Variants in NCOA2 observed in about 807,000 individuals in gnomAD.
NCOA2 encodes nuclear receptor coactivator 2.
Under a neutral mutation model 145.1 loss-of-function variants are expected in NCOA2, and 21 were observed. The ratio of observed to expected loss-of-function variants is 0.14; its 90% confidence interval spans 0.10 to 0.21. The LOEUF is 0.21. Ranked by LOEUF, NCOA2 falls within the 10% of genes least tolerant of loss-of-function variation. The pLI is 1.00. For missense variants in NCOA2, 1,472 were observed against 1,837.6 expected, an observed-to-expected ratio of 0.80 and a Z score of 3.64; for synonymous variants, 619 against 637.5, an observed-to-expected ratio of 0.97 and a Z score of 0.44.
intron 2 of NCOA2, among the ~76,000 whole-genome samples, chr8:70,283,780 C>A (rs1294217370): frequency 6.6e-6 from 1 of 152,116 alleles, no homozygotes; most frequent in Non-Finnish European, 1.5e-5. Context: ...TTGCATTGCA[C>A]TCGCTAGTTG....
At chr8:70,423,036 C>T in the NCOA2 span, among the ~76,000 whole-genome samples, 1 of 152,168 alleles carries the variant, frequency 6.6e-6, no homozygotes, top group Non-Finnish European at 1.5e-5. Context: ...AGTCATATGG[C>T]TGTACTGTAA....
chr8:70,160,874 A>G (rs1563547560), intron 9 of NCOA2, among the ~76,000 whole-genome samples: 1 of 152,252 alleles, frequency 6.6e-6, no homozygotes, highest in Non-Finnish European at 1.5e-5. Flanking sequence ...ATTACTGAAC[A>G]TGTGAGTATC....
At chr8:70,317,341 A>G (rs188758229) in intron 1 of NCOA2, among the ~76,000 whole-genome samples, 3 of 152,310 alleles carry the variant, frequency 2.0e-5, no homozygotes, top group Non-Finnish European at 4.4e-5. Context: ...TGAAAAAATA[A>G]GACTGTCGTG....
At position 70,155,979 on chromosome 8, in the gene NCOA2, C is replaced by G; in HGVS notation, c.2386G>C (p.Gly796Arg). The G allele has an allele frequency of 6.4e-7, 1 of 1,567,806 alleles. No individual in the cohort carries two copies. Among genetic ancestry groups the G allele is most frequent in the South Asian group, 1.2e-5 (1 of 82,542 alleles). ...GATGTGATAAAACTTACCTGGTCAC[C>G]AGGCTCAAAGCTCATCTCCTCCTTC... ...TEKEEMSFEPGDQPGSELDNL... is the reference protein window; with the variant it reads ...TEKEEMSFEPRDQPGSELDNL... Residue 796 changes from glycine (G) to arginine (R), a missense_variant, in exon 11 of 23, where the codon GGT becomes CGT. Coordinates refer to ENST00000452400, the MANE Select transcript of NCOA2 (RefSeq NM_006540.4).
At chr8:70,441,606 A>G in the NCOA2 span, among the ~76,000 whole-genome samples, 1 of 151,004 alleles carries the variant, frequency 6.6e-6, no homozygotes, top group Non-Finnish European at 1.5e-5. Flanking sequence ...GAGAGAGAGA[A>G]AGCAAGCAAG....
chr8:70,347,171 A>T (rs2136595935), intron 1 of NCOA2, among the ~76,000 whole-genome samples: 1 of 152,154 alleles, frequency 6.6e-6, no homozygotes, highest in East Asian at 1.9e-4. Context: ...AACGTGGCGA[A>T]ACCCTGTCTT....
In NCOA2 at chr8:70,214,764, C is replaced by A. The variant is rs368778083; in HGVS notation, c.87-689G>T. Among the ~76,000 whole-genome samples, 8 of 152,154 alleles carry A rather than the reference C, an allele frequency of 5.3e-5. No homozygotes were observed. The South Asian group carries it at 1.7e-3, about 32-fold the overall frequency. On this transcript the variant is annotated intron_variant, in intron 3 of 22. Transcript: ENST00000452400. ...GGAAAAATATCAAAAGAGGCAAAAT[C>A]TTCCATTAGAATGTGACAAAATAGT...
chr8:70,438,511 T>C, the NCOA2 span, among the ~76,000 whole-genome samples: 1 of 152,230 alleles, frequency 6.6e-6, no homozygotes, highest in Non-Finnish European at 1.5e-5. Context: ...ATTGAACTTT[T>C]CTGGCTTGTC....
At chr8:70,430,183 A>G in the NCOA2 span, among the ~76,000 whole-genome samples, 1 of 152,310 alleles carries the variant, frequency 6.6e-6, no homozygotes, top group East Asian at 1.9e-4. Context: ...AAGTGCAACT[A>G]TGAATTGTAA....
intron 1 of NCOA2, among the ~76,000 whole-genome samples, chr8:70,397,363 G>A (rs1215388368): frequency 6.6e-6 from 1 of 150,878 alleles, no homozygotes; most frequent in Non-Finnish European, 1.5e-5. Flanking sequence ...TTAGGTGAGA[G>A]AATCGCTTGA....
At chr8:70,193,064 TAAAAAAA>T (rs397892713) in intron 4 of NCOA2, among the ~76,000 whole-genome samples, 1 of 86,574 alleles carries the variant, frequency 1.2e-5, no homozygotes, top group Non-Finnish European at 2.1e-5. Flanking sequence ...GAGACTCTAT[TAAAAAAA>T]AAAAAAAAAA....
chr8:70,131,867 T>C lies in NCOA2; in HGVS notation c.3294A>G (p.Arg1098=). ...RNFDGLEEID[R]ALGIPELVSQ... ...TGACCAGTTCGGGTATTCCTAAGGC[T>C]CTATCAATCTCCTCCAGGCCATCAA... Residue 1098 remains arginine, a synonymous_variant, in exon 16 of 23, where the codon AGA becomes AGG. Coordinates refer to ENST00000452400, the MANE Select transcript of NCOA2 (RefSeq NM_006540.4). 6.3e-7 allele frequency: 1 copy of C among 1,598,656 alleles called. No individual in the cohort carries two copies. The highest frequency in any genetic ancestry group is 1.1e-5 in the South Asian group (1 of 87,826).
intron 1 of NCOA2, among the ~76,000 whole-genome samples, chr8:70,382,254 G>T (rs1812260743): frequency 6.6e-6 from 1 of 152,050 alleles, no homozygotes; most frequent in South Asian, 2.1e-4. Context: ...TCTAAGAAAA[G>T]TCAGTGCCCC....
At chr8:70,358,318 A>G (rs964686152) in intron 1 of NCOA2, among the ~76,000 whole-genome samples, 4 of 152,228 alleles carry the variant, frequency 2.6e-5, no homozygotes, top group Non-Finnish European at 5.9e-5. Context: ...CAATATTGAA[A>G]AAGAAGAACA....
chr8:70,335,122 CAAAAAAAAAAAAAAAAAA>C lies in NCOA2; in HGVS notation c.-76-38340_-76-38323del, dbSNP rs59460365. On this transcript the variant is annotated intron_variant, in intron 1 of 22. Coordinates refer to ENST00000452400, the MANE Select transcript of NCOA2 (RefSeq NM_006540.4). ...TGGGCAACAGCATGAGACTCCATCT[CAAAAAAAAAAAAAAAAAA>C]AAAAAAAAAAAAAGATCTCTCCCTA... Among the ~76,000 whole-genome samples, 112 of 29,482 alleles carry C rather than the reference CAAAAAAAAAAAAAAAAAA, an allele frequency of 3.8e-3. 1 individual carries two copies. The highest frequency in any genetic ancestry group is 0.011 in the African/African-American group (106 of 9,678). The allele number at this position is 29,482 out of a possible 152,430, so 19.3% of individuals were successfully genotyped here.
At chr8:70,184,124 C>T (rs1168783628) in intron 4 of NCOA2, among the ~76,000 whole-genome samples, 3 of 151,974 alleles carry the variant, frequency 2.0e-5, no homozygotes, top group Non-Finnish European at 4.4e-5. Flanking sequence ...AAGGTCAGAC[C>T]GTATTTGCTA....
At chr8:70,245,977 A>T (rs1459659379) in intron 2 of NCOA2, among the ~76,000 whole-genome samples, 1 of 152,168 alleles carries the variant, frequency 6.6e-6, no homozygotes, top group African/African-American at 2.4e-5. Flanking sequence ...AGTCTTGTTA[A>T]GAATATATCC....
chr8:70,306,601 C>T (rs1211608025), intron 1 of NCOA2, among the ~76,000 whole-genome samples: 2 of 152,120 alleles, frequency 1.3e-5, no homozygotes, highest in African/African-American at 2.4e-5. Context: ...ACATGCTGGT[C>T]GGGCTCAGTG....
chr8:70,403,318 G>A lies in NCOA2; in HGVS notation c.-77+382C>T, dbSNP rs1399395485. Among the ~76,000 whole-genome samples, 5 of 151,218 alleles carry A rather than the reference G, an allele frequency of 3.3e-5. No homozygotes were observed. In the East Asian group the frequency reaches 9.8e-4, roughly 30 times the overall value. Reference sequence around the variant, plus strand: ...GGGGGCCGCGCCCGCACCCCCGGCCGCGCCTCGGCGCTCACCTCTCGCCCG... The same window carrying A: ...GGGGGCCGCGCCCGCACCCCCGGCCACGCCTCGGCGCTCACCTCTCGCCCG... On this transcript the variant is annotated intron_variant, in intron 1 of 22. Coordinates refer to ENST00000452400, the MANE Select transcript of NCOA2 (RefSeq NM_006540.4).
Sources: gnomAD v4.1 joint callset for allele counts (sites outside exome capture counted in the v4.1 genomes callset) on GRCh38, gnomAD v4.1.1 for gene constraint, MANE v1.5 for transcripts, NCBI Gene and HGNC (gene_info 2026-07-23, HGNC 2026-07-21) for gene names.